DLGAP1: variants seen among roughly 807,000 people sequenced by gnomAD.
The protein encoded by DLGAP1 is disks large-associated protein 1.
A neutral mutation model predicts 90.8 loss-of-function variants in DLGAP1; 11 were observed. That is an observed-to-expected ratio of 0.12 (90% CI 0.08 to 0.20). DLGAP1 has a LOEUF of 0.20. Ranked by LOEUF, DLGAP1 falls within the 10% of genes least tolerant of loss-of-function variation. The pLI, the probability that DLGAP1 is intolerant of heterozygous loss-of-function variation, is 1.00. For synonymous variants in DLGAP1, 558 were observed against 540.7 expected (o/e 1.03, Z -0.44); for missense variants, 1,050 against 1,333.8 (o/e 0.79, Z 3.31).
At chr18:3,668,953 C>G (rs2059980443) in intron 7 of DLGAP1, among the ~76,000 whole-genome samples, 1 of 151,930 alleles carries the variant, frequency 6.6e-6, no homozygotes, top group East Asian at 1.9e-4. Context: ...CACTGCACTC[C>G]GGCCTGGGCG....
intron 9 of DLGAP1, among the ~76,000 whole-genome samples, chr18:3,543,723 G>A (rs2052842080): frequency 6.6e-6 from 1 of 152,138 alleles, no homozygotes; most frequent in Non-Finnish European, 1.5e-5. Flanking sequence ...CTGAGATATG[G>A]GAAACAAATG....
At chr18:3,698,591 C>T (rs150793447) in intron 7 of DLGAP1, among the ~76,000 whole-genome samples, 7,839 of 151,850 alleles carry the variant, frequency 0.052, 324 homozygotes, top group East Asian at 0.24. Context: ...GTGGGTAACC[C>T]GACCTTTCTC....
chr18:3,926,180 T>A (rs891850088), intron 3 of DLGAP1, among the ~76,000 whole-genome samples: 1 of 152,228 alleles, frequency 6.6e-6, no homozygotes, highest in African/African-American at 2.4e-5. Context: ...TCCCAACTAC[T>A]TCAGCATTAT....
At chr18:4,037,568 C>T (rs995753140) in intron 2 of DLGAP1, among the ~76,000 whole-genome samples, 6 of 152,180 alleles carry the variant, frequency 3.9e-5, no homozygotes, top group East Asian at 3.8e-4. Context: ...TTCTGAGCTG[C>T]GCCATGCCTT....
chr18:3,623,769 T>G lies in DLGAP1; in HGVS notation c.1592-41521A>C, dbSNP rs1358845325. Reference sequence around the variant, plus strand: ...CCCAGCCTGAGAGACAGAGCAAGACTCCGTCTCAAAAAAAAAAAAAAAAAA... The same window carrying G: ...CCCAGCCTGAGAGACAGAGCAAGACGCCGTCTCAAAAAAAAAAAAAAAAAA... On this transcript the variant is annotated intron_variant, in intron 7 of 12. Coordinates refer to ENST00000315677, the MANE Select transcript of DLGAP1 (RefSeq NM_004746.4). Among the ~76,000 whole-genome samples, 22 of 83,336 alleles carry G rather than the reference T, an allele frequency of 2.6e-4. No individual in the cohort carries two copies. In the Admixed American group the frequency reaches 3.7e-3, roughly 14 times the overall value. The allele number at this position is 83,336 out of a possible 152,430, so 54.7% of individuals were successfully genotyped here.
intron 7 of DLGAP1, among the ~76,000 whole-genome samples, chr18:3,613,136 C>A (rs1197234090): frequency 6.6e-6 from 1 of 152,040 alleles, no homozygotes; most frequent in Non-Finnish European, 1.5e-5. Flanking sequence ...CCACGCCTGG[C>A]CTTTTAGTCC....
chr18:4,443,905 A>G (rs762748200), intron 1 of DLGAP1, among the ~76,000 whole-genome samples: 11 of 152,270 alleles, frequency 7.2e-5, no homozygotes, highest in Non-Finnish European at 1.3e-4. Context: ...AATTACTTGG[A>G]TATAACTGCC....
At chr18:4,012,001 A>C (rs2074432907) in intron 2 of DLGAP1, among the ~76,000 whole-genome samples, 1 of 152,126 alleles carries the variant, frequency 6.6e-6, no homozygotes, top group African/African-American at 2.4e-5. Flanking sequence ...AACTCCCCAC[A>C]CCCAACAGAA....
At chr18:4,236,966 G>T (rs922708075) in intron 1 of DLGAP1, among the ~76,000 whole-genome samples, 4 of 152,110 alleles carry the variant, frequency 2.6e-5, no homozygotes, top group African/African-American at 9.7e-5. Context: ...CTAAATAAAT[G>T]AGTCACGTCT....
chr18:3,754,669 C>T (rs940876718), intron 5 of DLGAP1, among the ~76,000 whole-genome samples: 3 of 140,270 alleles, frequency 2.1e-5, no homozygotes, highest in Non-Finnish European at 4.5e-5. Context: ...TGCATGAGCT[C>T]AGGAGTTTGA....
chr18:4,069,027 A>G (rs4432340), intron 2 of DLGAP1, among the ~76,000 whole-genome samples: 126,946 of 152,070 alleles, frequency 0.83, 53,233 homozygotes, highest in East Asian at 0.94. Context: ...TAGCCTTCTC[A>G]GTTTCAATGT....
At chr18:3,785,973 G>C (rs1366213726) in intron 5 of DLGAP1, among the ~76,000 whole-genome samples, 1 of 152,082 alleles carries the variant, frequency 6.6e-6, no homozygotes, top group Non-Finnish European at 1.5e-5. Context: ...TATATTTCTT[G>C]GCTGTGGCCC....
In DLGAP1 at chr18:3,741,067, C is replaced by CCACCACCACCACCACCACCAT. The variant is rs2062931172; in HGVS notation, c.1350+1267_1350+1268insATGGTGGTGGTGGTGGTGGTG. Among the ~76,000 whole-genome samples, 2 of 108,594 alleles carry CCACCACCACCACCACCACCAT rather than the reference C, an allele frequency of 1.8e-5. 1 individual carries two copies. The highest frequency in any genetic ancestry group is 3.8e-5 in the Non-Finnish European group (2 of 52,930). 71.2% of individuals were successfully genotyped at this position (108,594 alleles called of 152,430 possible). ...CTCACCACCACCACCATCACCACCA[C>CCACCACCACCACCACCACCAT]CACCACCACCACCATCACCATCACC... is the stretch of plus-strand genomic sequence containing the variant. On this transcript the variant is annotated intron_variant, in intron 6 of 12. Coordinates refer to ENST00000315677, the MANE Select transcript of DLGAP1 (RefSeq NM_004746.4).
intron 7 of DLGAP1, among the ~76,000 whole-genome samples, chr18:3,618,635 T>C (rs923520460): frequency 0.01 from 17 of 1,688 alleles, no homozygotes; most frequent in African/African-American, 0.06. Flanking sequence ...TAACCCAACA[T>C]AGCTATGACA....
intron 7 of DLGAP1, among the ~76,000 whole-genome samples, chr18:3,587,278 C>T (rs1159317222): frequency 6.8e-6 from 1 of 147,750 alleles, no homozygotes; most frequent in Non-Finnish European, 1.5e-5. Context: ...TAGTCTCAAA[C>T]CCCTGACCTC....
intron 1 of DLGAP1, among the ~76,000 whole-genome samples, chr18:4,289,236 G>T (rs1349893859): frequency 1.3e-5 from 2 of 152,094 alleles, no homozygotes; most frequent in African/African-American, 4.8e-5. Flanking sequence ...TGTTTGTCTA[G>T]GGTGGAAGGG....
At chr18:4,380,845 G>A (rs770437404) in intron 1 of DLGAP1, among the ~76,000 whole-genome samples, 4 of 152,130 alleles carry the variant, frequency 2.6e-5, no homozygotes, top group African/African-American at 7.2e-5. Flanking sequence ...CCTCTCTTGA[G>A]ATATGTTCCA....
rs561505724 is a variant in DLGAP1, at chr18:3,776,414, T to C, written c.1173-33902A>G. On this transcript the variant is annotated intron_variant, in intron 5 of 12. Transcript: ENST00000315677. ...AAATGAATCCTCTGAAAGTAGTCAGTCTCTTCTGTTTTTTCATTTTCCAGG... is the reference window on the plus strand; with the variant it reads ...AAATGAATCCTCTGAAAGTAGTCAGCCTCTTCTGTTTTTTCATTTTCCAGG... 2.0e-5 allele frequency among the ~76,000 whole-genome samples: 3 copies of C among 152,236 alleles called. No individual in the cohort carries two copies. In the East Asian group the frequency reaches 5.8e-4, roughly 29 times the overall value.
intron 6 of DLGAP1, among the ~76,000 whole-genome samples, chr18:3,739,757 C>T (rs536182509): frequency 6.8e-6 from 1 of 146,390 alleles, no homozygotes; most frequent in Non-Finnish European, 1.5e-5. Context: ...GCACATGTAC[C>T]CTAAAACTTA....
Sources: gnomAD v4.1 joint callset for allele counts (sites outside exome capture counted in the v4.1 genomes callset) on GRCh38, gnomAD v4.1.1 for gene constraint, MANE v1.5 for transcripts, NCBI Gene and HGNC (gene_info 2026-07-23, HGNC 2026-07-21) for gene names.